The following TP53I13 variants were observed in gnomAD, a reference collection of about 807,000 sequenced individuals.
TP53I13 encodes tumor protein p53-inducible protein 13.
TP53I13 carries 27 observed loss-of-function variants against 39.1 expected under a neutral mutation model. The ratio of observed to expected loss-of-function variants is 0.69; its 90% confidence interval spans 0.51 to 0.95. The LOEUF (loss-of-function observed/expected upper bound fraction) is 0.95. TP53I13 is among the 40% of genes least tolerant of loss of function. The pLI is 0.00. For synonymous variants in TP53I13, 230 were observed against 224.6 expected (o/e 1.02, Z -0.22); for missense variants, 544 against 520.4 (o/e 1.05, Z -0.44).
In TP53I13 at chr17:29,572,297, C is replaced by T. The variant is rs767898047; in HGVS notation, c.669C>T (p.Pro223=). 2.2e-5 allele frequency: 35 copies of T among 1,612,814 alleles called. No homozygotes were observed. Among genetic ancestry groups the T allele is most frequent in the South Asian group, 8.8e-5 (8 of 91,092 alleles). The change falls in exon 6 of 7, where the codon CCC becomes CCT. Residue 223 remains proline, a synonymous_variant. Transcript: ENST00000301057. ...CCACTCGCTCAGCCCTGAGGTTTCC[C>T]TCTGCTTCCCCAGGGAGCTTGAAGG... ...PQPTRSALRF[P]SASPGSLKAK...
upstream of TP53I13, chr17:29,566,879 C>A: frequency 6.7e-7 from 1 of 1,497,734 alleles, no homozygotes; most frequent in Non-Finnish European, 8.8e-7. Context: ...ACGGCGCGCC[C>A]CCAGGGTCCC....
upstream of TP53I13, chr17:29,566,994 G>A (rs2032733484): frequency 1.6e-6 from 2 of 1,285,902 alleles, no homozygotes; most frequent in Non-Finnish European, 2.0e-6. Flanking sequence ...CCGGCGGGCA[G>A]CGGGCGGCGG....
chr17:29,574,893 G>A (rs1403460266), downstream of TP53I13: 11 of 1,570,454 alleles, frequency 7.0e-6, no homozygotes, highest in East Asian at 2.3e-5. Flanking sequence ...AGTGAGCTCC[G>A]CACTGGCTCC....
At chr17:29,580,099 G>A in the TP53I13 span, among the ~76,000 whole-genome samples, 1 of 152,148 alleles carries the variant, frequency 6.6e-6, no homozygotes, top group African/African-American at 2.4e-5. Context: ...CCCCCATGAG[G>A]ACTAGAATCA....
upstream of TP53I13, chr17:29,566,697 T>C (rs775134536): frequency 1.9e-6 from 3 of 1,587,722 alleles, no homozygotes; most frequent in South Asian, 1.1e-5. Flanking sequence ...CCAGCGCCTC[T>C]GAGCGCCGCA....
In TP53I13 at chr17:29,568,705, G is replaced by T; in HGVS notation, c.-54G>T. 8.3e-7 allele frequency: 1 copy of T among 1,211,094 alleles called. No homozygotes were observed. Among genetic ancestry groups the T allele is most frequent in the Non-Finnish European group, 1.0e-6 (1 of 966,616 alleles). The allele number at this position is 1,211,094 out of a possible 1,614,324, so 75.0% of individuals were successfully genotyped here. A position where few individuals can be genotyped will look rare whatever the true frequency, so the allele number is the denominator to read the frequency against. ...GGGGCTGGAGGGGCGGGGCGCGCGC[G>T]CTCCCTCGCTGGCGGAGCGGCTGGG... is the stretch of plus-strand genomic sequence containing the variant. On this transcript the variant is annotated 5_prime_UTR_variant, in exon 1 of 7. Transcript: ENST00000301057. The surrounding 1 kb of genome is among the most constrained non-coding windows in gnomAD (Gnocchi z 4.5).
At chr17:29,577,505 C>G (rs533816518), downstream of TP53I13, 32 of 721,014 alleles carry the variant, frequency 4.4e-5, no homozygotes, top group African/African-American at 3.5e-4. Flanking sequence ...CTGACCTTCC[C>G]AAATCCCAGT....
chr17:29,581,486 G>A, the TP53I13 span: 2 of 939,010 alleles, frequency 2.1e-6, no homozygotes, highest in Non-Finnish European at 3.5e-6. The surrounding 1 kb of genome is among the most constrained non-coding windows in gnomAD (Gnocchi z 4.8). Flanking sequence ...GAAGTGTCAG[G>A]GGAAAGTGGG....
upstream of TP53I13, chr17:29,566,568 C>T (rs2032717398): frequency 6.2e-7 from 1 of 1,609,008 alleles, no homozygotes; most frequent in Non-Finnish European, 8.5e-7. Context: ...GGGCCACTAG[C>T]CCATCGTCCG....
the TP53I13 span, among the ~76,000 whole-genome samples, chr17:29,579,536 AG>A: frequency 6.6e-6 from 1 of 152,150 alleles, no homozygotes; most frequent in Non-Finnish European, 1.5e-5. Flanking sequence ...GCTTGAGGCC[AG>A]GAGGTGGAGA....
At position 29,572,419 on chromosome 17, in the gene TP53I13, G is replaced by C; in HGVS notation, c.791G>C (p.Ser264Thr). The C allele has an allele frequency of 6.3e-7, 1 of 1,586,758 alleles. No homozygotes were observed. Among genetic ancestry groups the C allele is most frequent in the South Asian group, 1.1e-5 (1 of 88,542 alleles). ...LLPGAPGGNA[S>T]SRTEAQVPNG... ...CCGGGGGCGCCTGGAGGCAATGCCA[G>C]CTCCAGGACAGAGGCTCAGGTGCCC... Residue 264 changes from serine to threonine, a missense_variant, in exon 6 of 7, where the codon AGC (serine) becomes ACC (threonine). Physicochemically the swap from Ser to Thr is moderately conservative, Grantham distance 58. Transcript: ENST00000301057.
At chr17:29,575,602 G>A (rs1166194904), downstream of TP53I13, 2 of 1,605,084 alleles carry the variant, frequency 1.2e-6, no homozygotes, top group African/African-American at 1.3e-5. This position sits in a 1 kb window ranked among gnomAD's most constrained non-coding sequence, Gnocchi z 5.5. Flanking sequence ...ATGTGAGCAG[G>A]CTGGACTGGA....
At chr17:29,581,212 G>A in the TP53I13 span, 1 of 740,008 alleles carries the variant, frequency 1.4e-6, no homozygotes, top group Non-Finnish European at 2.4e-6. The surrounding 1 kb of genome is among the most constrained non-coding windows in gnomAD (Gnocchi z 4.8). Context: ...ACTAAGCTGT[G>A]CCTCTAGTCT....
At chr17:29,566,904 G>A (rs1025825216), upstream of TP53I13, 3 of 1,490,400 alleles carry the variant, frequency 2.0e-6, no homozygotes, top group African/African-American at 2.9e-5. Flanking sequence ...GCCGCGGGCC[G>A]AGCAGGCCGA....
the TP53I13 span, chr17:29,581,817 G>A: frequency 1.2e-6 from 2 of 1,612,584 alleles, no homozygotes; most frequent in Admixed American, 3.3e-5. This position sits in a 1 kb window ranked among gnomAD's most constrained non-coding sequence, Gnocchi z 4.8. Flanking sequence ...CTTTCCGCCA[G>A]CTCATGGTGC....
rs769137749 is a variant in TP53I13 at position 29,571,739 on chromosome 17, C to T, written c.312+20C>T. On this transcript the variant is annotated intron_variant, in intron 4 of 6. Transcript: ENST00000301057. ...GATCGGGTATGTAGCTGATGAAAGG[C>T]GCTTGCCTGGCCCTGGCAGAAGGCT... The T allele has an allele frequency of 1.4e-5, 22 of 1,613,876 alleles. No individual in the cohort carries two copies. In the South Asian group the frequency reaches 1.4e-4, roughly 10 times the overall value.
Position 29,572,046 on chromosome 17 carries a change from G to T in TP53I13, c.502G>T (p.Gly168Trp). The T allele has an allele frequency of 6.2e-7, 1 of 1,613,106 alleles. No homozygotes were observed. The highest frequency in any genetic ancestry group is 8.5e-7 in the Non-Finnish European group (1 of 1,180,016). Residue 168 changes from glycine to tryptophan, a missense_variant, in exon 5 of 7, where the codon GGG becomes TGG. Gly to Trp is a radical substitution (Grantham distance 184, BLOSUM62 -2). Transcript: ENST00000301057. ...CGGTAGAGGGAGGCTGTGCCGAAGA[G>T]GGTGTGTGCAGGTGAGAGACGCTGG... ...TPGRGRLCRR[G>W]CVQALALAFA...
At chr17:29,576,788 A>T, downstream of TP53I13, 1 of 1,575,960 alleles carries the variant, frequency 6.3e-7, no homozygotes, top group Non-Finnish European at 8.6e-7. Flanking sequence ...CCTGGGCTAC[A>T]AGAGGACAGA....
At chr17:29,571,752 C>T (rs199553155) in intron 4 of TP53I13, 33 bp downstream of exon 4, 1 of 1,613,952 alleles carries the variant, frequency 6.2e-7, no homozygotes, top group South Asian at 1.1e-5. Context: ...TTGCCTGGCC[C>T]TGGCAGAAGG....
Sources: gnomAD v4.1 joint callset for allele counts (sites outside exome capture counted in the v4.1 genomes callset) on GRCh38, gnomAD v4.1.1 for gene constraint, Gnocchi (gnomAD v3.1) non-coding constraint, MANE v1.5 for transcripts, NCBI Gene and HGNC (gene_info 2026-07-23, HGNC 2026-07-21) for gene names.